The following SORCS3 variants were observed in gnomAD, a reference collection of about 807,000 sequenced individuals.
SORCS3 encodes sortilin related VPS10 domain containing receptor 3.
Under a neutral mutation model 146.3 loss-of-function variants are expected in SORCS3, and 57 were observed. The ratio of observed to expected loss-of-function variants is 0.39; its 90% CI spans 0.31 to 0.49. SORCS3 has a LOEUF of 0.49. Among genes scored for constraint, SORCS3 ranks in the 20% least tolerant of loss-of-function variants. SORCS3 has a pLI of 0.92. For missense variants in SORCS3, 1,341 were observed against 1,575.5 expected, an observed-to-expected ratio of 0.85 and a Z score of 2.52; for synonymous variants, 653 against 618.5, an observed-to-expected ratio of 1.06 and a Z score of -0.83.
In SORCS3 at chr10:104,696,383, AT is replaced by A. The variant is rs2016194896; in HGVS notation, c.627+54431del. Reference sequence around the variant, plus strand: ...ATATCATATATAGTATATAATATATATTATATAATATATAATATATAATATA... The same window carrying A: ...ATATCATATATAGTATATAATATATATATATAATATATAATATATAATATA... On this transcript the variant is annotated intron_variant, in intron 1 of 26. Coordinates refer to ENST00000369701, the MANE Select transcript of SORCS3 (RefSeq NM_014978.3). Among the ~76,000 whole-genome samples, 47 of 52,706 alleles carry A rather than the reference AT, an allele frequency of 8.9e-4. 18 individuals carry two copies. The highest frequency in any genetic ancestry group is 2.4e-3 in the South Asian group (4 of 1,666). 34.6% of individuals were successfully genotyped at this position (52,706 alleles called of 152,430 possible). A position where few individuals can be genotyped will look rare whatever the true frequency, so the allele number is the denominator to read the frequency against.
chr10:105,034,805 T>C (rs1240546409), intron 4 of SORCS3, among the ~76,000 whole-genome samples: 4 of 152,182 alleles, frequency 2.6e-5, no homozygotes, highest in Non-Finnish European at 5.9e-5. Flanking sequence ...TTCTTGGAAG[T>C]ATGACACTGC....
At chr10:104,819,453 A>T (rs151138394) in intron 1 of SORCS3, among the ~76,000 whole-genome samples, 221 of 152,210 alleles carry the variant, frequency 1.5e-3, no homozygotes, top group Non-Finnish European at 2.2e-3. Context: ...CCACTCTTTC[A>T]GTAAGCTCCT....
intron 1 of SORCS3, among the ~76,000 whole-genome samples, chr10:104,716,815 C>T (rs771514331): frequency 5.9e-5 from 9 of 152,168 alleles, no homozygotes; most frequent in Non-Finnish European, 1.3e-4. Context: ...ACAGATCTCC[C>T]TCCATGGTGG....
intron 1 of SORCS3, among the ~76,000 whole-genome samples, chr10:104,690,141 C>T (rs1207944903): frequency 6.6e-6 from 1 of 152,116 alleles, no homozygotes; most frequent in African/African-American, 2.4e-5. Context: ...TTATCCCTTG[C>T]CTGTAGCTGG....
chr10:104,651,754 C>T (rs1337600398), intron 1 of SORCS3, among the ~76,000 whole-genome samples: 1 of 152,070 alleles, frequency 6.6e-6, no homozygotes, highest in African/African-American at 2.4e-5. Context: ...TGTTGGTACT[C>T]TACCCGTATT....
At chr10:104,832,718 C>CAAAT (rs148553473) in intron 1 of SORCS3, among the ~76,000 whole-genome samples, 9,014 of 133,592 alleles carry the variant, frequency 0.067, 448 homozygotes, top group Admixed American at 0.13. Flanking sequence ...AACTCCATCT[C>CAAAT]AAATAAATAA....
chr10:105,124,739 TC>T (rs1043060615), intron 7 of SORCS3, among the ~76,000 whole-genome samples: 1 of 152,132 alleles, frequency 6.6e-6, no homozygotes, highest in African/African-American at 2.4e-5. Flanking sequence ...ATTAGCCACT[TC>T]CCACCTCTCC....
At chr10:105,173,138 GAAAC>G (rs1244696618) in intron 13 of SORCS3, among the ~76,000 whole-genome samples, 1 of 151,982 alleles carries the variant, frequency 6.6e-6, no homozygotes, top group Non-Finnish European at 1.5e-5. Context: ...GACCAAAACA[GAAAC>G]AAACAGATGT....
chr10:105,162,682 C>G (rs2056275772), intron 11 of SORCS3, among the ~76,000 whole-genome samples: 1 of 152,100 alleles, frequency 6.6e-6, no homozygotes, highest in Non-Finnish European at 1.5e-5. Context: ...TTCTTACCAC[C>G]ATAAGGCCCC....
At chr10:105,220,863 C>CT (rs59834444) in intron 19 of SORCS3, among the ~76,000 whole-genome samples, 14,479 of 152,140 alleles carry the variant, frequency 0.095, 798 homozygotes, top group Middle Eastern at 0.19. Flanking sequence ...TGCCTTTTTA[C>CT]CTCATGAACA....
intron 3 of SORCS3, among the ~76,000 whole-genome samples, chr10:104,941,639 C>T (rs2019321687): frequency 6.6e-6 from 1 of 152,202 alleles, no homozygotes; most frequent in Non-Finnish European, 1.5e-5. Flanking sequence ...CTCGTTACTA[C>T]TATCCAATTA....
At chr10:105,043,027 C>T in intron 4 of SORCS3, 28 bp from the exon 5 acceptor site, 1 of 1,600,674 alleles carries the variant, frequency 6.2e-7, no homozygotes, top group South Asian at 1.1e-5. Context: ...TTCCTTGAGA[C>T]TTACATTCTC....
At position 105,242,478 on chromosome 10, in the gene SORCS3, A is replaced by C. The variant is rs528756482; in HGVS notation, c.2869-3064A>C. Among the ~76,000 whole-genome samples the C allele has an allele frequency of 5.6e-5, 4 of 71,284 alleles. No individual in the cohort carries two copies. The South Asian group carries it at 1.8e-3, about 32-fold the overall frequency. The allele number at this position is 71,284 out of a possible 152,430, so 46.8% of individuals were successfully genotyped here. A position where few individuals can be genotyped will look rare whatever the true frequency, so the allele number is the denominator to read the frequency against. ...TATATATTTATATATTTATATATTT[A>C]TATATTTATATATTTATATATATTT... On this transcript the variant is annotated intron_variant, in intron 20 of 26. Transcript: ENST00000369701.
intron 1 of SORCS3, among the ~76,000 whole-genome samples, chr10:104,654,060 C>G (rs1009925065): frequency 2.0e-5 from 3 of 152,068 alleles, no homozygotes; most frequent in Non-Finnish European, 2.9e-5. Flanking sequence ...CCATGTGTGT[C>G]TTTTGGTGCC....
intron 1 of SORCS3, among the ~76,000 whole-genome samples, chr10:104,696,839 G>T (rs1173043449): frequency 1.4e-5 from 2 of 144,214 alleles, no homozygotes; most frequent in Non-Finnish European, 3.0e-5. Context: ...TGACAACATG[G>T]ATAACCTGGA....
chr10:105,048,203 T>A (rs2055387192), intron 5 of SORCS3, among the ~76,000 whole-genome samples: 1 of 151,606 alleles, frequency 6.6e-6, no homozygotes, highest in South Asian at 2.1e-4. Flanking sequence ...CAAAGGATTA[T>A]AAATCATGCT....
chr10:105,264,626 G>A lies in SORCS3; in HGVS notation c.*1252G>A, dbSNP rs1166197140. On this transcript the variant is annotated 3_prime_UTR_variant, in exon 27 of 27. Transcript: ENST00000369701. Reference sequence around the variant, plus strand: ...ATGATATTAGTCAAAGGCAATTTTAGCAAAGCTGTGCTATTTGCTTGTCAG... The same window carrying A: ...ATGATATTAGTCAAAGGCAATTTTAACAAAGCTGTGCTATTTGCTTGTCAG... 6.6e-6 allele frequency: 1 copy of A among 152,634 alleles called. No individual in the cohort carries two copies. The highest frequency in any genetic ancestry group is 2.1e-4 in the South Asian group (1 of 4,832). 9.5% of individuals were successfully genotyped at this position (152,634 alleles called of 1,614,324 possible).
At chr10:104,912,474 C>T (rs142735126) in intron 2 of SORCS3, among the ~76,000 whole-genome samples, 57 of 152,324 alleles carry the variant, frequency 3.7e-4, no homozygotes, top group South Asian at 3.1e-3. Context: ...CAGACCCTTC[C>T]CTAGGACAGA....
At chr10:104,933,141 C>G (rs531345969) in intron 3 of SORCS3, among the ~76,000 whole-genome samples, 2 of 152,172 alleles carry the variant, frequency 1.3e-5, no homozygotes, top group African/African-American at 4.8e-5. Context: ...ATACAGAAAA[C>G]TCTGCCTGAA....
Sources: gnomAD v4.1 joint callset for allele counts (sites outside exome capture counted in the v4.1 genomes callset) on GRCh38, gnomAD v4.1.1 for gene constraint, MANE v1.5 for transcripts, NCBI Gene and HGNC (gene_info 2026-07-23, HGNC 2026-07-21) for gene names.